NOP53: variants seen among roughly 807,000 people sequenced by gnomAD.
The protein encoded by NOP53 is ribosome biogenesis protein NOP53.
A neutral mutation model predicts 61.0 loss-of-function variants in NOP53; 40 were observed. The ratio of observed to expected loss-of-function variants is 0.66; its 90% confidence interval spans 0.51 to 0.85. NOP53 has a LOEUF of 0.85. Among genes scored for constraint, NOP53 ranks in the 40% least tolerant of loss-of-function variants. The pLI is 0.00. For missense variants in NOP53, 689 were observed against 652.9 expected, an observed-to-expected ratio of 1.06 and a Z score of -0.60; for synonymous variants, 308 against 289.5, an observed-to-expected ratio of 1.06 and a Z score of -0.65.
chr19:47,750,856 C>T (rs1484096638), intron 3 of NOP53, 52 bp from the exon 4 acceptor site: 30 of 1,473,726 alleles, frequency 2.0e-5, no homozygotes, highest in East Asian at 4.9e-5. Context: ...GCCCTGCTGC[C>T]GTTCAGGCTG....
rs771504939 is a variant in NOP53 at position 47,750,208 on chromosome 19, A to G, written c.320A>G (p.Lys107Arg). 3 of 1,612,450 alleles carry G rather than the reference A, an allele frequency of 1.9e-6. No homozygotes were observed. Among genetic ancestry groups the G allele is most frequent in the Admixed American group, 1.7e-5 (1 of 60,010 alleles). The change falls in exon 3 of 13, where the codon AAG (lysine) becomes AGG (arginine). Residue 107 changes from lysine (K) to arginine (R), a missense_variant. By Grantham distance (26) the Lys-to-Arg change is conservative. Transcript: ENST00000246802. ...GLTKKRTKVQKKSLLLKKPLR... is the reference protein window; with the variant it reads ...GLTKKRTKVQRKSLLLKKPLR... The stretch of plus-strand genomic sequence containing the variant: ...ACAAAGAAGAGAACCAAAGTCCAGA[A>G]GAAGTCACTGCTTCTCAAGAAACCC...
chr19:47,756,937 A>T, intron 12 of NOP53, 62 bp from the exon 13 acceptor site: 1 of 1,605,064 alleles, frequency 6.2e-7, no homozygotes, highest in South Asian at 1.1e-5. Flanking sequence ...AGGGGGTGTC[A>T]GGTCGGCAGG....
chr19:47,755,696 G>T, intron 9 of NOP53, 60 bp from the exon 10 acceptor site: 1 of 1,485,608 alleles, frequency 6.7e-7, no homozygotes, highest in Non-Finnish European at 9.2e-7. Flanking sequence ...AGGGGGCTTT[G>T]GACTGGGTGT....
chr19:47,750,111 A>G, intron 2 of NOP53, 67 bp from the exon 3 acceptor site: 1 of 976,594 alleles, frequency 1.0e-6, no homozygotes, highest in South Asian at 1.3e-5. Context: ...ATGGAGGTGA[A>G]TAGGGTGGGT....
intron 2 of NOP53, among the ~76,000 whole-genome samples, chr19:47,747,937 T>G (rs1222376268): frequency 6.6e-6 from 1 of 151,828 alleles, no homozygotes; most frequent in Non-Finnish European, 1.5e-5. Context: ...TGTGCCACCA[T>G]GCCCGGCTAA....
At chr19:47,752,242 G>A (rs1967133112) in intron 5 of NOP53, among the ~76,000 whole-genome samples, 2 of 152,212 alleles carry the variant, frequency 1.3e-5, no homozygotes, top group Admixed American at 1.3e-4. Flanking sequence ...GTTTGAGTTT[G>A]GATTTGCAGC....
At chr19:47,747,650 G>T (rs983473022) in intron 2 of NOP53, among the ~76,000 whole-genome samples, 1 of 151,774 alleles carries the variant, frequency 6.6e-6, no homozygotes, top group East Asian at 1.9e-4. Flanking sequence ...ACAGTGTTGC[G>T]CTGTCATCCA....
intron 6 of NOP53, chr19:47,753,836 C>T (rs1028688421): frequency 1.3e-5 from 2 of 152,198 alleles, no homozygotes; most frequent in African/African-American, 2.4e-5. Context: ...GTGTAACCAT[C>T]CCCGCAGTCA....
chr19:47,754,438 A>G lies in NOP53; in HGVS notation c.766-89A>G. On this transcript the variant is annotated intron_variant, in intron 6 of 12. Coordinates refer to ENST00000246802, the MANE Select transcript of NOP53 (RefSeq NM_015710.5). This position sits in a 1 kb window ranked among gnomAD's most constrained non-coding sequence, Gnocchi z 4.2. ...CTGGGCCGGGGCGGGATCCACGGGC[A>G]CTGGATGAGGGACAGATGGGAGGTA... is the stretch of plus-strand genomic sequence containing the variant. 9.8e-7 allele frequency: 1 copy of G among 1,020,712 alleles called. No individual in the cohort carries two copies. Among genetic ancestry groups the G allele is most frequent in the Non-Finnish European group, 1.5e-6 (1 of 676,432 alleles). The allele number at this position is 1,020,712 out of a possible 1,614,324, so 63.2% of individuals were successfully genotyped here.
At chr19:47,752,966 G>A (rs1277422155) in intron 6 of NOP53, 1 of 204,992 alleles carries the variant, frequency 4.9e-6, no homozygotes, top group Non-Finnish European at 9.9e-6. Context: ...GAGAGACCGT[G>A]GCGCCTTCCA....
chr19:47,747,483 A>G (rs1967078559), intron 2 of NOP53, among the ~76,000 whole-genome samples: 2 of 152,082 alleles, frequency 1.3e-5, no homozygotes, highest in African/African-American at 4.8e-5. Flanking sequence ...CTCTGCTAAA[A>G]ATACAAAAAT....
chr19:47,756,829 T>C, intron 12 of NOP53, 85 bp downstream of exon 12: 1 of 1,519,848 alleles, frequency 6.6e-7, no homozygotes, highest in Non-Finnish European at 9.1e-7. Context: ...CCTTCCAGAG[T>C]GTGGCTAGTG....
chr19:47,751,562 T>C lies in NOP53; in HGVS notation c.641T>C (p.Leu214Pro). 6.2e-7 allele frequency: 1 copy of C among 1,613,918 alleles called. No homozygotes were observed. The highest frequency in any genetic ancestry group is 1.7e-5 in the Admixed American group (1 of 60,006). The change falls in exon 5 of 13, where the codon CTG (leucine) becomes CCG (proline). Residue 214 changes from leucine to proline, a missense_variant. Transcript: ENST00000246802. ...TTGGTTGGCCAGGATGAGTTTTTCC[T>C]GGAGCAGACCAAGAAGAAAGGAGTG... ...RPLVGQDEFF[L>P]EQTKKKGVKR...
chr19:47,755,596 CT>C, intron 9 of NOP53, 73 bp downstream of exon 9: 1 of 1,416,476 alleles, frequency 7.1e-7, no homozygotes. Context: ...ACCTTCCTGC[CT>C]TTGTTCAGGA....
chr19:47,754,678 C>A lies in NOP53; in HGVS notation c.871-31C>A. The stretch of plus-strand genomic sequence containing the variant: ...TCCCTCCCCTCCCCGGGCCTCCTAC[C>A]CACCCCTGACACTGCACCCCGCCTC... On this transcript the variant is annotated intron_variant, in intron 7 of 12. Coordinates refer to ENST00000246802, the MANE Select transcript of NOP53 (RefSeq NM_015710.5). This position sits in a 1 kb window ranked among gnomAD's most constrained non-coding sequence, Gnocchi z 4.2. 1 of 1,540,852 alleles carries A rather than the reference C, an allele frequency of 6.5e-7. No homozygotes were observed. Among genetic ancestry groups the A allele is most frequent in the Non-Finnish European group, 8.8e-7 (1 of 1,140,594 alleles).
Position 47,754,327 on chromosome 19 carries a change from G to C in NOP53, c.766-200G>C, listed in dbSNP as rs1332468808. ...GTCAGACTGCCTTCACAGACGTGCA[G>C]AGCAGGTGTGAGGGCGAGGGTTTGA... On this transcript the variant is annotated intron_variant, in intron 6 of 12. Transcript: ENST00000246802. The surrounding 1 kb of genome is among the most constrained non-coding windows in gnomAD (Gnocchi z 4.2). The C allele has an allele frequency of 1.7e-6, 1 of 588,686 alleles. No individual in the cohort carries two copies. The highest frequency in any genetic ancestry group is 1.9e-5 in the African/African-American group (1 of 53,624). 36.5% of individuals were successfully genotyped at this position (588,686 alleles called of 1,614,324 possible).
intron 2 of NOP53, 79 bp downstream of exon 2, chr19:47,747,110 A>G (rs1967074530): frequency 3.5e-6 from 4 of 1,155,468 alleles, no homozygotes; most frequent in Non-Finnish European, 5.1e-6. Context: ...GATCTGTGTT[A>G]ATGATGTGGC....
rs1967172077 is a variant in NOP53, at chr19:47,754,983, C to G, written c.1053+92C>G. 1.7e-6 allele frequency: 2 copies of G among 1,190,264 alleles called. No individual in the cohort carries two copies. Among genetic ancestry groups the G allele is most frequent in the Non-Finnish European group, 2.3e-6 (2 of 879,968 alleles). 73.7% of individuals were successfully genotyped at this position (1,190,264 alleles called of 1,614,324 possible). ...GGGCTGCCCTGGGTGCTGCGGGCAG[C>G]CTGCACACCCCAAGCCCCGCATGTG... On this transcript the variant is annotated intron_variant, in intron 8 of 12. Transcript: ENST00000246802. The surrounding 1 kb of genome is among the most constrained non-coding windows in gnomAD (Gnocchi z 4.2).
chr19:47,755,639 C>T (rs2123679406), intron 9 of NOP53, 116 bp downstream of exon 9: 1 of 1,337,094 alleles, frequency 7.5e-7, no homozygotes, highest in African/African-American at 1.4e-5. Context: ...GAGACCACCT[C>T]TTCCCCCACA....
Sources: gnomAD v4.1 joint callset for allele counts (sites outside exome capture counted in the v4.1 genomes callset) on GRCh38, gnomAD v4.1.1 for gene constraint, Gnocchi (gnomAD v3.1) non-coding constraint, MANE v1.5 for transcripts, NCBI Gene and HGNC (gene_info 2026-07-23, HGNC 2026-07-21) for gene names.